Variants in DTHD1 observed in about 807,000 individuals in gnomAD.
DTHD1 encodes the protein death domain-containing protein 1.
A neutral mutation model predicts 74.8 loss-of-function variants in DTHD1; 59 were observed. The ratio of observed to expected loss-of-function variants is 0.79; its 90% CI spans 0.64 to 0.98. The LOEUF (loss-of-function observed/expected upper bound fraction) is 0.98. DTHD1 is among the 50% of genes least tolerant of loss of function. DTHD1 has a pLI of 0.00. For missense variants in DTHD1, 1,051 were observed against 1,065.4 expected, an observed-to-expected ratio of 0.99 and a Z score of 0.19; for synonymous variants, 365 against 371.1, an observed-to-expected ratio of 0.98 and a Z score of 0.19.
intron 7 of DTHD1, among the ~76,000 whole-genome samples, chr4:36,309,102 A>T (rs2109501611): frequency 6.6e-6 from 1 of 152,346 alleles, no homozygotes; most frequent in Middle Eastern, 3.4e-3. Context: ...GACAGTTTTC[A>T]CCAAACTCTA....
At chr4:36,328,795 T>C (rs527956424) in intron 8 of DTHD1, among the ~76,000 whole-genome samples, 1 of 152,376 alleles carries the variant, frequency 6.6e-6, no homozygotes, top group Non-Finnish European at 1.5e-5. Flanking sequence ...CTATATCAGC[T>C]ACTGCCCAGC....
chr4:36,300,696 G>C (rs1756714669), intron 5 of DTHD1, among the ~76,000 whole-genome samples: 1 of 151,826 alleles, frequency 6.6e-6, no homozygotes, highest in South Asian at 2.1e-4. Flanking sequence ...TGATATTTTA[G>C]AGTCTACCTA....
chr4:36,284,631 C>T, intron 2 of DTHD1, 40 bp downstream of exon 2: 1 of 1,383,024 alleles, frequency 7.2e-7, no homozygotes, highest in Non-Finnish European at 9.6e-7. Flanking sequence ...AGTATGCCTA[C>T]TTATATGTGT....
At chr4:36,309,407 C>T (rs1403091232) in intron 7 of DTHD1, among the ~76,000 whole-genome samples, 6 of 152,064 alleles carry the variant, frequency 3.9e-5, no homozygotes, top group East Asian at 1.9e-4. Context: ...TGCAGTGAGC[C>T]GAGATCGCAG....
intron 9 of DTHD1, among the ~76,000 whole-genome samples, chr4:36,339,564 A>T (rs1221205178): frequency 2.6e-5 from 4 of 152,244 alleles, no homozygotes. Context: ...TTTGAGGTAT[A>T]TATTGATATG....
In DTHD1 at chr4:36,346,598, T is replaced by C. The variant is rs1759600281; in HGVS notation, c.*2774T>C. ...GAGACCTGCCCCTGAACACCCTCAG[T>C]ATTGATAGACACACCCATACCTTTG... On this transcript the variant is annotated 3_prime_UTR_variant, in exon 10 of 10. Transcript: ENST00000639862. 6.6e-6 allele frequency among the ~76,000 whole-genome samples: 1 copy of C among 152,064 alleles called. No individual in the cohort carries two copies. The highest frequency in any genetic ancestry group is 1.5e-5 in the Non-Finnish European group (1 of 68,022).
intron 7 of DTHD1, among the ~76,000 whole-genome samples, chr4:36,312,351 C>T (rs941678324): frequency 3.3e-5 from 5 of 151,646 alleles, no homozygotes; most frequent in Non-Finnish European, 7.4e-5. Context: ...TATCTCTACA[C>T]CTATATAATA....
At chr4:36,312,417 A>C (rs1177042789) in intron 7 of DTHD1, among the ~76,000 whole-genome samples, 1 of 152,082 alleles carries the variant, frequency 6.6e-6, no homozygotes, top group African/African-American at 2.4e-5. Flanking sequence ...ATTAAAGTCT[A>C]ATGAAGAAAG....
At chr4:36,304,998 C>A (rs1266043703) in intron 5 of DTHD1, among the ~76,000 whole-genome samples, 1 of 152,136 alleles carries the variant, frequency 6.6e-6, no homozygotes, top group Non-Finnish European at 1.5e-5. Flanking sequence ...AATTGGTATA[C>A]TGTTAGTCAC....
chr4:36,296,990 A>G (rs1256665099), intron 5 of DTHD1, among the ~76,000 whole-genome samples: 1 of 152,348 alleles, frequency 6.6e-6, no homozygotes, highest in East Asian at 1.9e-4. Flanking sequence ...AGGTATATGT[A>G]CTATATACTG....
intron 8 of DTHD1, among the ~76,000 whole-genome samples, chr4:36,327,158 G>C (rs113020636): frequency 0.013 from 1,921 of 151,954 alleles, 32 homozygotes; most frequent in African/African-American, 0.043. Flanking sequence ...GTAGAGACAG[G>C]GTTTCACCAT....
At chr4:36,301,559 G>A (rs909434155) in intron 5 of DTHD1, among the ~76,000 whole-genome samples, 7 of 152,202 alleles carry the variant, frequency 4.6e-5, no homozygotes, top group South Asian at 2.1e-4. Context: ...TTTATCTGAC[G>A]CCCTCCACAT....
rs531274452 is a variant in DTHD1 at position 36,346,511 on chromosome 4, C to A, written c.*2687C>A. 2.0e-5 allele frequency among the ~76,000 whole-genome samples: 3 copies of A among 152,152 alleles called. No individual in the cohort carries two copies. In the South Asian group the frequency reaches 6.2e-4, roughly 32 times the overall value. The stretch of plus-strand genomic sequence containing the variant: ...AGAAAACAATTGATCATCCCTGCAG[C>A]ATCTCCTCTCTTAAGATAATCCAGG... On this transcript the variant is annotated 3_prime_UTR_variant, in exon 10 of 10. Coordinates refer to ENST00000639862, the MANE Select transcript of DTHD1 (RefSeq NM_001170700.3).
At chr4:36,312,425 A>G (rs1459690014) in intron 7 of DTHD1, among the ~76,000 whole-genome samples, 3 of 152,098 alleles carry the variant, frequency 2.0e-5, no homozygotes, top group Non-Finnish European at 4.4e-5. Flanking sequence ...CTAATGAAGA[A>G]AGACAGAGAA....
chr4:36,305,544 A>G (rs1756993365), intron 5 of DTHD1, among the ~76,000 whole-genome samples: 1 of 152,228 alleles, frequency 6.6e-6, no homozygotes, highest in Non-Finnish European at 1.5e-5. Context: ...CGTGGGAATT[A>G]TGGAAGCTAC....
intron 2 of DTHD1, among the ~76,000 whole-genome samples, chr4:36,288,800 A>G (rs10517375): frequency 0.078 from 11,868 of 152,276 alleles, 892 homozygotes; most frequent in African/African-American, 0.2. Context: ...GTTGAGAAAC[A>G]TAACTCCTGG....
At chr4:36,300,772 A>G (rs912505516) in intron 5 of DTHD1, among the ~76,000 whole-genome samples, 1 of 151,960 alleles carries the variant, frequency 6.6e-6, no homozygotes, top group Non-Finnish European at 1.5e-5. Flanking sequence ...GTGCTTCTCA[A>G]TGAGTGCTGT....
chr4:36,322,911 G>T (rs1411892797), intron 8 of DTHD1, among the ~76,000 whole-genome samples: 1 of 152,214 alleles, frequency 6.6e-6, no homozygotes, highest in African/African-American at 2.4e-5. Context: ...AGGGAGTGGA[G>T]AGAATATTTT....
intron 4 of DTHD1, among the ~76,000 whole-genome samples, chr4:36,294,576 A>G (rs181440250): frequency 2.6e-5 from 4 of 152,084 alleles, no homozygotes; most frequent in African/African-American, 9.6e-5. Flanking sequence ...AAGACAGGGA[A>G]CCCAGATTTC....
Sources: allele counts gnomAD v4.1 joint callset (sites outside exome capture counted in the v4.1 genomes callset), GRCh38; gene constraint gnomAD v4.1.1; transcripts MANE v1.5; gene names NCBI Gene and HGNC (gene_info 2026-07-23, HGNC 2026-07-21).